The following UNC13D variants were observed in gnomAD, a reference collection of about 807,000 sequenced individuals.
The protein encoded by UNC13D is unc-13 homolog D, also known as protein unc-13 homolog D.
UNC13D carries 115 observed loss-of-function variants against 151.7 expected under a neutral mutation model. The ratio of observed to expected loss-of-function variants is 0.76; its 90% confidence interval spans 0.65 to 0.88. The LOEUF is 0.88. Among genes scored for constraint, UNC13D ranks in the 40% least tolerant of loss-of-function variants. The pLI is 0.00. For missense variants in UNC13D, 1,369 were observed against 1,438.7 expected (o/e 0.95, Z 0.78); for synonymous variants, 588 against 612.2 (o/e 0.96, Z 0.58).
chr17:75,829,056 C>A, intron 30 of UNC13D, 73 bp from the exon 31 acceptor site: 1 of 1,545,796 alleles, frequency 6.5e-7, no homozygotes, highest in South Asian at 1.2e-5. Flanking sequence ...GGTTCACCCA[C>A]TTGGTGTTGG....
intron 12 of UNC13D, among the ~76,000 whole-genome samples, chr17:75,838,385 ATT>A (rs745754406): frequency 6.6e-6 from 1 of 151,230 alleles, no homozygotes; most frequent in East Asian, 2.0e-4. Flanking sequence ...CACCTGACTA[ATT>A]TTTCTATATT....
Position 75,834,460 on chromosome 17 carries a change from C to G in UNC13D, c.2163G>C (p.Trp721Cys). Residue 721 changes from tryptophan (W) to cysteine (C), a missense_variant, in exon 23 of 32, where the codon TGG becomes TGC. Transcript: ENST00000207549. ...VIGKLPAQLA[W>C]EALEQRVGAV... ...CCCCTACCCGCTGCTCCAGGGCCTC[C>G]CATGCCAGCTGGGCGGGCAACTTGC... 1 of 1,564,912 alleles carries G rather than the reference C, an allele frequency of 6.4e-7. No individual in the cohort carries two copies. Among genetic ancestry groups the G allele is most frequent in the Non-Finnish European group, 8.6e-7 (1 of 1,158,080 alleles).
At chr17:75,837,669 A>G (rs1428158859) in intron 12 of UNC13D, among the ~76,000 whole-genome samples, 1 of 151,306 alleles carries the variant, frequency 6.6e-6, no homozygotes, top group Non-Finnish European at 1.5e-5. Flanking sequence ...CAAGAGAATC[A>G]CTTGAACCTG....
rs560520169 is a variant in UNC13D at position 75,831,231 on chromosome 17, C to T, written c.2553+12G>A. On this transcript the variant is annotated intron_variant, in intron 26 of 31. Transcript: ENST00000207549. ...CCACCAGGGTTATCATTGCTGTGACCGGTTCTGTTACCTGCAGGGCAATCT... is the reference window on the plus strand; with the variant it reads ...CCACCAGGGTTATCATTGCTGTGACTGGTTCTGTTACCTGCAGGGCAATCT... The T allele has an allele frequency of 2.1e-4, 347 of 1,614,088 alleles. 1 individual carries two copies. Among genetic ancestry groups the T allele is most frequent in the South Asian group, 1.9e-3 (177 of 91,080 alleles).
rs771320227 is a variant in UNC13D, at chr17:75,835,389, TGCCCTG to T, written c.1848+14_1848+19del. On this transcript the variant is annotated intron_variant, in intron 20 of 31. Transcript: ENST00000207549. Reference sequence around the variant, plus strand: ...ACCCCCAAACCGGGGCCCCGCCCCCTGCCCTGGCCACGCCCCCACCTCATCCATCTG... The same window carrying T: ...ACCCCCAAACCGGGGCCCCGCCCCCTGCCACGCCCCCACCTCATCCATCTG... 20 of 1,608,504 alleles carry T rather than the reference TGCCCTG, an allele frequency of 1.2e-5. No homozygotes were observed. The East Asian group carries it at 4.2e-4, about 34-fold the overall frequency.
At position 75,827,416 on chromosome 17, in the gene UNC13D, CAGGCTTCCTGGCCTGGATGCTGG is replaced by C; in HGVS notation, c.*526_*548del. 1.4e-6 allele frequency: 2 copies of C among 1,412,986 alleles called. No individual in the cohort carries two copies. Among genetic ancestry groups the C allele is most frequent in the Non-Finnish European group, 1.8e-6 (2 of 1,084,572 alleles). The allele number at this position is 1,412,986 out of a possible 1,614,324, so 87.5% of individuals were successfully genotyped here. ...CTCAGAGCCAGAAGGTTCTTGGCTC[CAGGCTTCCTGGCCTGGATGCTGG>C]CAGCCCCTGGGGAGAGGACCCAGGC... On this transcript the variant is annotated 3_prime_UTR_variant, in exon 32 of 32. Transcript: ENST00000207549.
Position 75,842,560 on chromosome 17 carries a change from CT to C in UNC13D, c.441del (p.Gly149AlafsTer13), listed in dbSNP as rs2064956872. The C allele has an allele frequency of 4.3e-6, 7 of 1,611,598 alleles. No individual in the cohort carries two copies. Among genetic ancestry groups the C allele is most frequent in the African/African-American group, 1.3e-5 (1 of 74,932 alleles). Reference sequence around the variant, plus strand: ...CGATGCCGGGACCCGGGGCTGCCCCCTGGCACACCTACCCCCTGCTCAATGC... The same window carrying C: ...CGATGCCGGGACCCGGGGCTGCCCCCGGCACACCTACCCCCTGCTCAATGC... ...LLGIEQGVGV[P>X]GGSPGSRHRQ... On this transcript the variant is annotated frameshift_variant, in exon 6 of 32. Transcript: ENST00000207549. LOFTEE classifies it high-confidence loss of function.
At position 75,835,994 on chromosome 17, in the gene UNC13D, A is replaced by G; in HGVS notation, c.1544+18T>C. On this transcript the variant is annotated intron_variant, in intron 17 of 31. Coordinates refer to ENST00000207549, the MANE Select transcript of UNC13D (RefSeq NM_199242.3). ...TGAGGCAATGCCCCACTACCTCCCG[A>G]CCTGGCTATCTGCTCACTTGTGGAA... The G allele has an allele frequency of 6.2e-7, 1 of 1,614,098 alleles. No individual in the cohort carries two copies. Among genetic ancestry groups the G allele is most frequent in the Non-Finnish European group, 8.5e-7 (1 of 1,180,026 alleles).
At position 75,834,328 on chromosome 17, in the gene UNC13D, C is replaced by T. The variant is rs202023835; in HGVS notation, c.2295G>A (p.Glu765=). The T allele has an allele frequency of 1.2e-5, 19 of 1,594,704 alleles. No individual in the cohort carries two copies. The highest frequency in any genetic ancestry group is 1.6e-5 in the Non-Finnish European group (19 of 1,178,804). ...EIRTGVRTLA[E]QLEVGIAKHI... ...ACTGTGCGGTCGGACAAGGTACCTG[C>T]TCGGCCAGGGTGCGGACGCCAGTGC... The change falls in exon 23 of 32, where the codon GAG becomes GAA. Residue 765 remains glutamate, a synonymous_variant. Coordinates refer to ENST00000207549, the MANE Select transcript of UNC13D (RefSeq NM_199242.3).
chr17:75,840,501 C>T lies in UNC13D; in HGVS notation c.753+6G>A. On this transcript the variant is annotated splice_donor_region_variant and intron_variant, in intron 9 of 31. Transcript: ENST00000207549. This position sits in a 1 kb window ranked among gnomAD's most constrained non-coding sequence, Gnocchi z 4.6. ...GCTCCTGGGCCCCTTTCCTCATCCT[C>T]CTCACCTGCAGCCTCAGAACCACGT... is the stretch of plus-strand genomic sequence containing the variant. The T allele has an allele frequency of 6.2e-7, 1 of 1,614,056 alleles. No individual in the cohort carries two copies. Among genetic ancestry groups the T allele is most frequent in the Non-Finnish European group, 8.5e-7 (1 of 1,179,988 alleles).
rs556654678 is a variant in UNC13D at position 75,834,102 on chromosome 17, G to C, written c.2340C>G (p.Gly780=). 6.2e-7 allele frequency: 1 copy of C among 1,613,756 alleles called. No homozygotes were observed. Among genetic ancestry groups the C allele is most frequent in the Middle Eastern group, 1.6e-4 (1 of 6,062 alleles). ...GIAKHIQKLV[G]VRESVLPEDA... is the part of the protein sequence containing the mutation. ...CCTCAGGCAGGACAGACTCCCTGACGCCCACCAGTTTCTGGATGTGCTTGG... is the reference window on the plus strand; with the variant it reads ...CCTCAGGCAGGACAGACTCCCTGACCCCCACCAGTTTCTGGATGTGCTTGG... The change falls in exon 24 of 32, where the codon GGC becomes GGG. Residue 780 remains glycine (G), a synonymous_variant. Coordinates refer to ENST00000207549, the MANE Select transcript of UNC13D (RefSeq NM_199242.3).
At position 75,836,832 on chromosome 17, in the gene UNC13D, T is replaced by G. The variant is rs1368145959; in HGVS notation, c.1142A>C (p.Gln381Pro). The G allele has an allele frequency of 6.2e-7, 1 of 1,613,826 alleles. No individual in the cohort carries two copies. Among genetic ancestry groups the G allele is most frequent in the Non-Finnish European group, 8.5e-7 (1 of 1,180,022 alleles). Residue 381 changes from glutamine to proline, a missense_variant, in exon 13 of 32, where the codon CAG becomes CCG. Coordinates refer to ENST00000207549, the MANE Select transcript of UNC13D (RefSeq NM_199242.3). ...LLHPITSIEY[Q>P]WIQGRLKAEQ... Reference sequence around the variant, plus strand: ...TGCCTTGAGCCGACCCTGGATCCACTGGTACTCGATGCTGGTGATGGGGTG... The same window carrying G: ...TGCCTTGAGCCGACCCTGGATCCACGGGTACTCGATGCTGGTGATGGGGTG...
intron 12 of UNC13D, 55 bp from the exon 13 acceptor site, chr17:75,836,973 T>C: frequency 7.5e-7 from 1 of 1,338,602 alleles, no homozygotes; most frequent in African/African-American, 2.4e-5. Flanking sequence ...TGCCTTCCCC[T>C]GTTCACCCGG....
Position 75,836,131 on chromosome 17 carries a change from G to A in UNC13D, c.1447-22C>T, listed in dbSNP as rs779610610. 6.2e-6 allele frequency: 10 copies of A among 1,612,762 alleles called. No individual in the cohort carries two copies. The South Asian group carries it at 8.8e-5, about 14-fold the overall frequency. Reference sequence around the variant, plus strand: ...TGCCCTGCAGAGACAGAGGTGGGCTGGGCAGGGCTGCCAGAGGCAGGCACC... The same window carrying A: ...TGCCCTGCAGAGACAGAGGTGGGCTAGGCAGGGCTGCCAGAGGCAGGCACC... On this transcript the variant is annotated intron_variant, in intron 16 of 31. Coordinates refer to ENST00000207549, the MANE Select transcript of UNC13D (RefSeq NM_199242.3).
At position 75,840,091 on chromosome 17, in the gene UNC13D, C is replaced by A. The variant is rs753758946; in HGVS notation, c.878G>T (p.Arg293Leu). ...GTGCACGGTGTAGCTCGGCTGCGAG[C>A]GGCTGGCCGAAGTGGCTCTCTGCAA... ...IHKRRATSASRSQPSYTVHLH... is the reference protein window; with the variant it reads ...IHKRRATSASLSQPSYTVHLH... The change falls in exon 11 of 32, where the codon CGC becomes CTC. Residue 293 changes from arginine to leucine, a missense_variant. Physicochemically the swap from Arg to Leu is moderately radical, Grantham distance 102 (BLOSUM62 -2). Around this residue, in one of 3 missense-constraint regions of UNC13D, gnomAD observed 550 missense variants for 609.0 expected, o/e 0.90. Transcript: ENST00000207549. The surrounding 1 kb of genome is among the most constrained non-coding windows in gnomAD (Gnocchi z 4.6). 2 of 1,612,906 alleles carry A rather than the reference C, an allele frequency of 1.2e-6. No homozygotes were observed. Among genetic ancestry groups the A allele is most frequent in the South Asian group, 1.1e-5 (1 of 91,022 alleles).
In UNC13D at chr17:75,842,442, G is replaced by T. The variant is rs563841795; in HGVS notation, c.560C>A (p.Thr187Asn). 5.0e-6 allele frequency: 8 copies of T among 1,612,430 alleles called. No individual in the cohort carries two copies. The highest frequency in any genetic ancestry group is 1.7e-5 in the Admixed American group (1 of 59,962). Residue 187 changes from threonine (T) to asparagine (N), a missense_variant, in exon 6 of 32, where the codon ACC (threonine) becomes AAC (asparagine). Physicochemically the swap from Thr to Asn is moderately conservative, Grantham distance 65. Transcript: ENST00000207549. ...TQTLNPVWDE[T>N]FILEFEDITN... Reference sequence around the variant, plus strand: ...GAGCACGGCCACGTACAGGATGAAGGTCTCGTCCCAGACGGGGTTGAGTGT... The same window carrying T: ...GAGCACGGCCACGTACAGGATGAAGTTCTCGTCCCAGACGGGGTTGAGTGT...
At position 75,829,672 on chromosome 17, in the gene UNC13D, G is replaced by A. The variant is rs563274541; in HGVS notation, c.2954+356C>T. 2.3e-4 allele frequency: 63 copies of A among 268,966 alleles called. No homozygotes were observed. In the East Asian group the frequency reaches 4.8e-3, roughly 20 times the overall value. The allele number at this position is 268,966 out of a possible 1,614,324, so 16.7% of individuals were successfully genotyped here. A position where few individuals can be genotyped will look rare whatever the true frequency, so the allele number is the denominator to read the frequency against. On this transcript the variant is annotated intron_variant, in intron 30 of 31. Transcript: ENST00000207549. Reference sequence around the variant, plus strand: ...GGAGTGCAGTGGCACCATCTCAGCAGCCTCTGCCTCCTGGGTTAAGCAATT... The same window carrying A: ...GGAGTGCAGTGGCACCATCTCAGCAACCTCTGCCTCCTGGGTTAAGCAATT...
chr17:75,829,955 G>T, intron 30 of UNC13D, 73 bp downstream of exon 30: 1 of 1,551,970 alleles, frequency 6.4e-7, no homozygotes, highest in Non-Finnish European at 8.7e-7. Context: ...CCCCAGCCAG[G>T]AGGAGCAGGC....
rs753378502 is a variant in UNC13D, at chr17:75,840,606, C to T, written c.684-30G>A. 3.3e-5 allele frequency: 53 copies of T among 1,613,744 alleles called. No individual in the cohort carries two copies. Among genetic ancestry groups the T allele is most frequent in the African/African-American group, 1.3e-4 (10 of 74,880 alleles). The stretch of plus-strand genomic sequence containing the variant: ...GTCAGGCAGGGTCCCATAAGGGGGA[C>T]GCAGCAAGGGTCGGAAGGGATTAGG... On this transcript the variant is annotated intron_variant, in intron 8 of 31. Transcript: ENST00000207549. The surrounding 1 kb of genome is among the most constrained non-coding windows in gnomAD (Gnocchi z 4.6).
Sources: gnomAD v4.1 joint callset for allele counts (sites outside exome capture counted in the v4.1 genomes callset) on GRCh38, gnomAD v4.1.1 for gene constraint, gnomAD v4.1.1 regional missense constraint, Gnocchi (gnomAD v3.1) non-coding constraint, MANE v1.5 for transcripts, NCBI Gene and HGNC (gene_info 2026-07-23, HGNC 2026-07-21) for gene names.